Variants in KCNK18 observed in about 807,000 individuals in gnomAD.
The protein encoded by KCNK18 is potassium two pore domain channel subfamily K member 18.
KCNK18 carries 8 observed loss-of-function variants against 11.8 expected under a neutral mutation model. That is an observed-to-expected ratio of 0.68 (90% confidence interval 0.40 to 1.22). The LOEUF (loss-of-function observed/expected upper bound fraction) is 1.22, where lower values mean the gene tolerates loss of function less well. Ranked by LOEUF, KCNK18 falls within the 50% of genes most tolerant of loss-of-function variation. The pLI is 0.01. For synonymous variants in KCNK18, 208 were observed against 185.8 expected, an observed-to-expected ratio of 1.12 and a Z score of -0.97; for missense variants, 442 against 465.4, an observed-to-expected ratio of 0.95 and a Z score of 0.46.
intron 2 of KCNK18, among the ~76,000 whole-genome samples, chr10:117,204,409 C>A (rs1855052872): frequency 6.6e-6 from 1 of 152,166 alleles, no homozygotes; most frequent in African/African-American, 2.4e-5. Context: ...TGTTGAGCAG[C>A]ATCTCTGGCC....
intron 2 of KCNK18, among the ~76,000 whole-genome samples, chr10:117,202,941 A>G (rs939489135): frequency 1.6e-5 from 2 of 128,992 alleles, no homozygotes; most frequent in Non-Finnish European, 3.1e-5. Context: ...CAGTGGCACA[A>G]TCTTGGCTCA....
intron 2 of KCNK18, among the ~76,000 whole-genome samples, chr10:117,202,903 T>TTTTTA (rs1855032296): frequency 7.0e-6 from 1 of 142,690 alleles, no homozygotes; most frequent in Non-Finnish European, 1.5e-5. Flanking sequence ...TTTTTTTTTT[T>TTTTTA]TTTTTGAGAT....
intron 2 of KCNK18, among the ~76,000 whole-genome samples, chr10:117,204,951 A>G (rs1855059378): frequency 6.6e-6 from 1 of 152,232 alleles, no homozygotes; most frequent in Non-Finnish European, 1.5e-5. Context: ...GCTACTGCCC[A>G]TTGTACGAGT....
chr10:117,209,440 T>TGGGGGGAAAAAGGGAA, intron 2 of KCNK18, 57 bp from the exon 3 acceptor site: 1 of 1,422,368 alleles, frequency 7.0e-7, no homozygotes, highest in Non-Finnish European at 9.9e-7. Context: ...TTAAAGCTTT[T>TGGGGGGAAAAAGGGAA]GGGGGGAAAA....
chr10:117,204,479 A>C (rs1003748639), intron 2 of KCNK18, among the ~76,000 whole-genome samples: 1 of 152,030 alleles, frequency 6.6e-6, no homozygotes, highest in Admixed American at 6.5e-5. Flanking sequence ...GACAGCCACA[A>C]TAGTCTCCAG....
At chr10:117,205,813 G>C (rs1449790900) in intron 2 of KCNK18, among the ~76,000 whole-genome samples, 1 of 152,192 alleles carries the variant, frequency 6.6e-6, no homozygotes, top group Non-Finnish European at 1.5e-5. Flanking sequence ...ACTTTGGGGG[G>C]CTGAGGTGGG....
At chr10:117,208,743 CT>C (rs3981214) in intron 2 of KCNK18, among the ~76,000 whole-genome samples, 116 of 143,170 alleles carry the variant, frequency 8.1e-4, no homozygotes, top group East Asian at 3.7e-3. Flanking sequence ...ACAAGGGTAG[CT>C]TTTTTTTTTT....
chr10:117,203,404 C>G (rs1855038005), intron 2 of KCNK18, among the ~76,000 whole-genome samples: 1 of 152,142 alleles, frequency 6.6e-6, no homozygotes, highest in South Asian at 2.1e-4. Context: ...TGAGGTCAAA[C>G]CTCAAAGCTG....
chr10:117,202,301 C>T (rs554100677), intron 2 of KCNK18, among the ~76,000 whole-genome samples: 2 of 152,360 alleles, frequency 1.3e-5, no homozygotes, highest in South Asian at 4.1e-4. Context: ...AGACCTGCCT[C>T]TCAGGGTCAG....
At chr10:117,199,144 C>T (rs1297195755) in intron 1 of KCNK18, among the ~76,000 whole-genome samples, 1 of 152,136 alleles carries the variant, frequency 6.6e-6, no homozygotes, top group Non-Finnish European at 1.5e-5. Flanking sequence ...CAAGGTGAGA[C>T]CCTGTCTCTA....
At chr10:117,205,140 C>A (rs1483973463) in intron 2 of KCNK18, among the ~76,000 whole-genome samples, 1 of 152,168 alleles carries the variant, frequency 6.6e-6, no homozygotes, top group African/African-American at 2.4e-5. Context: ...CACAGGATAC[C>A]TGACAGCTGT....
chr10:117,197,919 G>T (rs1854969285), intron 1 of KCNK18, among the ~76,000 whole-genome samples: 1 of 152,142 alleles, frequency 6.6e-6, no homozygotes, highest in Non-Finnish European at 1.5e-5. Flanking sequence ...CAGGGTTGCT[G>T]TGAAGAATGC....
chr10:117,202,108 C>T (rs1302079851), intron 2 of KCNK18, among the ~76,000 whole-genome samples: 1 of 152,236 alleles, frequency 6.6e-6, no homozygotes, highest in Non-Finnish European at 1.5e-5. Context: ...CCCTCTCCTC[C>T]TTCGAGAGAG....
Position 117,201,149 on chromosome 10 carries a change from C to T in KCNK18, c.224-10C>T. 1 of 1,614,178 alleles carries T rather than the reference C, an allele frequency of 6.2e-7. No individual in the cohort carries two copies. Among genetic ancestry groups the T allele is most frequent in the Non-Finnish European group, 8.5e-7 (1 of 1,180,038 alleles). ...CTTTTCCTCAAACTCTTGGTCATGT[C>T]TTTCTCCAGTGGTGGAAGACAGAAA... On this transcript the variant is annotated splice_polypyrimidine_tract_variant and intron_variant, in intron 1 of 2. Transcript: ENST00000334549.
At chr10:117,203,781 TC>T (rs1855044013) in intron 2 of KCNK18, among the ~76,000 whole-genome samples, 1 of 152,132 alleles carries the variant, frequency 6.6e-6, no homozygotes, top group Admixed American at 6.5e-5. Flanking sequence ...AGGTGATCCA[TC>T]CGTCTCGGCC....
At position 117,209,628 on chromosome 10, in the gene KCNK18, T is replaced by G. The variant is rs757426206; in HGVS notation, c.484T>G (p.Ser162Ala). ...GDILATILSTSYNRFRKFPFF... is the reference protein window; with the variant it reads ...GDILATILSTAYNRFRKFPFF... ...CATCCTGGCAACCATCTTATCTACA[T>G]CTTATAATCGGTTCCGAAAATTCCC... The change falls in exon 3 of 3, where the codon TCT (serine) becomes GCT (alanine). Residue 162 changes from serine (S) to alanine (A), a missense_variant. Transcript: ENST00000334549. The G allele has an allele frequency of 6.2e-7, 1 of 1,614,078 alleles. No individual in the cohort carries two copies. Among genetic ancestry groups the G allele is most frequent in the Non-Finnish European group, 8.5e-7 (1 of 1,180,004 alleles).
chr10:117,208,018 A>AAGGGG (rs1469182281), intron 2 of KCNK18, among the ~76,000 whole-genome samples: 9 of 152,096 alleles, frequency 5.9e-5, no homozygotes, highest in Admixed American at 2.0e-4. Flanking sequence ...CTGTAGGTGC[A>AAGGGG]AGGGGAGGGG....
At chr10:117,202,378 G>A (rs964018191) in intron 2 of KCNK18, among the ~76,000 whole-genome samples, 2 of 152,202 alleles carry the variant, frequency 1.3e-5, no homozygotes, top group African/African-American at 4.8e-5. Context: ...AACCCAACTC[G>A]CCTGGCTTAA....
rs568710851 is a variant in KCNK18, at chr10:117,202,132, C to G, written c.352+845C>G. ...CCTTCGAGAGAGCAAGTGCCCATCC[C>G]TAGGAGGACCTGGCCCACAGGGGTT... On this transcript the variant is annotated intron_variant, in intron 2 of 2. Coordinates refer to ENST00000334549, the MANE Select transcript of KCNK18 (RefSeq NM_181840.1). Among the ~76,000 whole-genome samples the G allele has an allele frequency of 1.3e-4, 20 of 152,310 alleles. No homozygotes were observed. In the South Asian group the frequency reaches 4.1e-3, roughly 32 times the overall value.
Sources: allele counts gnomAD v4.1 joint callset (sites outside exome capture counted in the v4.1 genomes callset), GRCh38; gene constraint gnomAD v4.1.1; transcripts MANE v1.5; gene names NCBI Gene and HGNC (gene_info 2026-07-23, HGNC 2026-07-21).